The following ANP32A variants were observed in gnomAD, a reference collection of about 807,000 sequenced individuals.
ANP32A encodes acidic nuclear phosphoprotein 32 family member A.
Under a neutral mutation model 33.9 loss-of-function variants are expected in ANP32A, and 1 was observed. The ratio of observed to expected loss-of-function variants is 0.03; its 90% CI spans 0.01 to 0.14. The LOEUF (loss-of-function observed/expected upper bound fraction) is 0.14, where lower values mean the gene tolerates loss of function less well. Among genes scored for constraint, ANP32A ranks in the 10% least tolerant of loss-of-function variants. The pLI is 1.00. For missense variants in ANP32A, 155 were observed against 306.0 expected (o/e 0.51, Z 3.68); for synonymous variants, 115 against 120.5 (o/e 0.95, Z 0.30).
chr15:68,783,266 C>G (rs1271977728), intron 4 of ANP32A, among the ~76,000 whole-genome samples: 2 of 152,160 alleles, frequency 1.3e-5, no homozygotes, highest in African/African-American at 4.8e-5. Flanking sequence ...GCCCCCCTCA[C>G]AAGTGTTATG....
chr15:68,787,207 T>C, intron 3 of ANP32A: 1 of 650,154 alleles, frequency 1.5e-6, no homozygotes, highest in Non-Finnish European at 2.6e-6. Context: ...CCATTCTGTC[T>C]GTGACCTTGG....
chr15:68,783,158 C>A, intron 4 of ANP32A, 105 bp from the exon 5 acceptor site: 1 of 1,491,026 alleles, frequency 6.7e-7, no homozygotes, highest in Non-Finnish European at 9.0e-7. Flanking sequence ...GGCTCATGAC[C>A]CTCCCACACC....
rs566117691 is a variant in ANP32A, at chr15:68,804,029, T to C, written c.55-16110A>G. On this transcript the variant is annotated intron_variant, in intron 1 of 6. Transcript: ENST00000465139. ...GTTGGCCAGGATGGTCTTGATCTCC[T>C]GACTTCATGATCCACCCACCTCGGC... Among the ~76,000 whole-genome samples, 29 of 152,200 alleles carry C rather than the reference T, an allele frequency of 1.9e-4. No individual in the cohort carries two copies. In the South Asian group the frequency reaches 5.8e-3, roughly 30 times the overall value.
chr15:68,800,017 A>T (rs1894109711), intron 1 of ANP32A, among the ~76,000 whole-genome samples: 1 of 152,200 alleles, frequency 6.6e-6, no homozygotes, highest in African/African-American at 2.4e-5. Flanking sequence ...TGTCTCACAA[A>T]ATAATGGGCT....
intron 1 of ANP32A, among the ~76,000 whole-genome samples, chr15:68,811,683 C>T (rs1182153533): frequency 6.6e-6 from 1 of 152,222 alleles, no homozygotes; most frequent in Non-Finnish European, 1.5e-5. Flanking sequence ...TCTAAACCTC[C>T]TTTCCCATTG....
At position 68,779,292 on chromosome 15, in the gene ANP32A, G is replaced by A. The variant is rs560896005; in HGVS notation, c.*789C>T. ...CTCATCATTTTTTGTAAAACAAAGCGTTCTAATATTTTACAGAACAAGATA... is the reference window on the plus strand; with the variant it reads ...CTCATCATTTTTTGTAAAACAAAGCATTCTAATATTTTACAGAACAAGATA... On this transcript the variant is annotated 3_prime_UTR_variant, in exon 7 of 7. Coordinates refer to ENST00000465139, the MANE Select transcript of ANP32A (RefSeq NM_006305.4). The A allele has an allele frequency of 2.6e-5, 4 of 152,092 alleles. No homozygotes were observed. Among genetic ancestry groups the A allele is most frequent in the Admixed American group, 1.3e-4 (2 of 15,298 alleles). The allele number at this position is 152,092 out of a possible 1,614,324, so 9.4% of individuals were successfully genotyped here.
In ANP32A at chr15:68,796,881, C is replaced by T. The variant is rs375840195; in HGVS notation, c.55-8962G>A. ...CTCTAGTTTCAAAATTCTCTCGGTACATACACTTTGAGCCTGAGTGCCCAC... is the reference window on the plus strand; with the variant it reads ...CTCTAGTTTCAAAATTCTCTCGGTATATACACTTTGAGCCTGAGTGCCCAC... On this transcript the variant is annotated intron_variant, in intron 1 of 6. Coordinates refer to ENST00000465139, the MANE Select transcript of ANP32A (RefSeq NM_006305.4). 3.9e-5 allele frequency among the ~76,000 whole-genome samples: 6 copies of T among 152,246 alleles called. No homozygotes were observed. In the South Asian group the frequency reaches 8.3e-4, roughly 21 times the overall value.
chr15:68,806,025 G>A (rs1410892533), intron 1 of ANP32A, among the ~76,000 whole-genome samples: 1 of 152,212 alleles, frequency 6.6e-6, no homozygotes, highest in African/African-American at 2.4e-5. Flanking sequence ...CAGAAAGACA[G>A]GGATTCCAAT....
intron 1 of ANP32A, chr15:68,818,316 A>G: frequency 4.3e-6 from 1 of 233,486 alleles, no homozygotes. Flanking sequence ...GAGGTGCCGA[A>G]GGTGGGTGTG....
intron 4 of ANP32A, 81 bp downstream of exon 4, chr15:68,784,316 C>T (rs1893905795): frequency 6.6e-7 from 1 of 1,510,618 alleles, no homozygotes. Flanking sequence ...ACACCCAGCC[C>T]ACCCACCTCT....
At chr15:68,815,650 C>A (rs966140430) in intron 1 of ANP32A, among the ~76,000 whole-genome samples, 1 of 152,142 alleles carries the variant, frequency 6.6e-6, no homozygotes, top group African/African-American at 2.4e-5. Context: ...ATTTTACATG[C>A]CTCTCACGTG....
intron 1 of ANP32A, among the ~76,000 whole-genome samples, chr15:68,810,230 A>T (rs549243269): frequency 1.3e-5 from 2 of 152,322 alleles, no homozygotes; most frequent in South Asian, 4.1e-4. Flanking sequence ...TATCCTAGGA[A>T]CAATGGTGAA....
chr15:68,818,563 G>T (rs140516627), intron 1 of ANP32A, among the ~76,000 whole-genome samples: 3 of 152,052 alleles, frequency 2.0e-5, no homozygotes, highest in Non-Finnish European at 4.4e-5. Flanking sequence ...GCTGGGAGGC[G>T]AGGGGGCGAA....
rs35537157 is a variant in ANP32A, at chr15:68,779,323, G to GTTT, written c.*755_*757dup. On this transcript the variant is annotated 3_prime_UTR_variant, in exon 7 of 7. Coordinates refer to ENST00000465139, the MANE Select transcript of ANP32A (RefSeq NM_006305.4). ...ATATTTTACAGAACAAGATAGGACA[G>GTTT]TTTTTTTTTTCTTTTAAAGAAGTTG... 2.0e-5 allele frequency: 3 copies of GTTT among 150,002 alleles called. No individual in the cohort carries two copies. The highest frequency in any genetic ancestry group is 7.3e-5 in the African/African-American group (3 of 41,052). The allele number at this position is 150,002 out of a possible 1,614,324, so 9.3% of individuals were successfully genotyped here.
intron 1 of ANP32A, among the ~76,000 whole-genome samples, chr15:68,805,859 T>G (rs187952217): frequency 2.6e-5 from 4 of 152,162 alleles, no homozygotes; most frequent in Non-Finnish European, 5.9e-5. Flanking sequence ...CTTGAAGGCT[T>G]ACTACTGACT....
At chr15:68,795,358 CG>C (rs1323244909) in intron 1 of ANP32A, among the ~76,000 whole-genome samples, 1 of 152,158 alleles carries the variant, frequency 6.6e-6, no homozygotes, top group African/African-American at 2.4e-5. Flanking sequence ...TGAAGGCAGG[CG>C]GGGAGCACAT....
intron 1 of ANP32A, among the ~76,000 whole-genome samples, chr15:68,795,513 A>T (rs776597535): frequency 1.3e-5 from 2 of 152,172 alleles, no homozygotes; most frequent in Non-Finnish European, 2.9e-5. Context: ...GCCCGCATTA[A>T]CATAAACCCT....
chr15:68,784,686 T>G, intron 3 of ANP32A, 91 bp from the exon 4 acceptor site: 2 of 1,410,918 alleles, frequency 1.4e-6, no homozygotes, highest in Non-Finnish European at 2.0e-6. Flanking sequence ...TGCCATGAGA[T>G]AGCATGCGCA....
At chr15:68,818,615 C>T (rs1269596312) in intron 1 of ANP32A, among the ~76,000 whole-genome samples, 1 of 146,716 alleles carries the variant, frequency 6.8e-6, no homozygotes, top group Non-Finnish European at 1.5e-5. Flanking sequence ...GCGCTCCCCT[C>T]CCCAACACAC....
Sources: allele counts gnomAD v4.1 joint callset (sites outside exome capture counted in the v4.1 genomes callset), GRCh38; gene constraint gnomAD v4.1.1; transcripts MANE v1.5; gene names NCBI Gene and HGNC (gene_info 2026-07-23, HGNC 2026-07-21).